Variants in SNX29 observed in about 807,000 individuals in gnomAD.
SNX29 encodes sorting nexin-29.
A neutral mutation model predicts 102.1 loss-of-function variants in SNX29; 78 were observed. That is an observed-to-expected ratio of 0.76 (90% CI 0.64 to 0.92). SNX29 has a LOEUF of 0.92. SNX29 is among the 40% of genes least tolerant of loss of function. The pLI, the probability that SNX29 is intolerant of heterozygous loss-of-function variation, is 0.00. For synonymous variants in SNX29, 580 were observed against 414.5 expected (o/e 1.40, Z -4.85); for missense variants, 1,280 against 1,061.7 (o/e 1.21, Z -2.86).
chr16:12,298,588 A>G (rs535059771), intron 15 of SNX29, among the ~76,000 whole-genome samples: 2 of 152,174 alleles, frequency 1.3e-5, no homozygotes, highest in African/African-American at 2.4e-5. Context: ...ATTTAGAAGA[A>G]TGTCTGGCCC....
At chr16:12,413,968 T>C (rs1393240454) in intron 18 of SNX29, among the ~76,000 whole-genome samples, 1 of 152,212 alleles carries the variant, frequency 6.6e-6, no homozygotes, top group East Asian at 1.9e-4. Context: ...TAAAATGCCA[T>C]AGTATTTGCA....
intron 15 of SNX29, among the ~76,000 whole-genome samples, chr16:12,305,218 T>C (rs7192378): frequency 0.12 from 18,465 of 152,238 alleles, 2,071 homozygotes; most frequent in African/African-American, 0.3. Flanking sequence ...TTCATACATG[T>C]TTTCATAGCT....
At chr16:12,375,641 G>T (rs981331582) in intron 16 of SNX29, 1 of 152,248 alleles carries the variant, frequency 6.6e-6, no homozygotes, top group Non-Finnish European at 1.5e-5. Context: ...GCCACCCTCG[G>T]TTTCTTGCCT....
intron 19 of SNX29, among the ~76,000 whole-genome samples, chr16:12,507,602 T>G (rs2089435225): frequency 6.6e-6 from 1 of 152,194 alleles, no homozygotes; most frequent in Non-Finnish European, 1.5e-5. Context: ...AAACTTTTTC[T>G]GCAAAGGGCC....
intron 18 of SNX29, among the ~76,000 whole-genome samples, chr16:12,432,599 A>G (rs1301104198): frequency 6.6e-6 from 1 of 152,208 alleles, no homozygotes; most frequent in African/African-American, 2.4e-5. Flanking sequence ...AAGAGCAGCA[A>G]CGCCACACAC....
At chr16:12,436,740 G>A (rs1310655494) in intron 18 of SNX29, among the ~76,000 whole-genome samples, 6 of 152,170 alleles carry the variant, frequency 3.9e-5, no homozygotes, top group African/African-American at 1.2e-4. Flanking sequence ...TGCAACCTCC[G>A]CCTCCCGGGT....
intron 20 of SNX29, among the ~76,000 whole-genome samples, chr16:12,549,928 C>G (rs568089116): frequency 6.6e-6 from 1 of 152,322 alleles, no homozygotes; most frequent in African/African-American, 2.4e-5. Context: ...ATCTTACCCT[C>G]CACCTGTTTT....
intron 20 of SNX29, among the ~76,000 whole-genome samples, chr16:12,541,964 T>C (rs754638172): frequency 6.6e-6 from 1 of 152,194 alleles, no homozygotes; most frequent in Non-Finnish European, 1.5e-5. Flanking sequence ...CTGGATCCAC[T>C]TCAGAGACTT....
chr16:12,393,736 G>T (rs1411633131), intron 16 of SNX29, among the ~76,000 whole-genome samples: 3 of 152,264 alleles, frequency 2.0e-5, no homozygotes, highest in Admixed American at 2.0e-4. Flanking sequence ...GAAGGGAGCA[G>T]TAGCTTACAA....
intron 15 of SNX29, among the ~76,000 whole-genome samples, chr16:12,282,224 C>T (rs753881338): frequency 1.3e-5 from 2 of 151,878 alleles, no homozygotes; most frequent in Admixed American, 6.6e-5. Context: ...ACGGAAGAGA[C>T]GATCACTACC....
At chr16:12,354,474 C>A (rs142653569) in intron 15 of SNX29, among the ~76,000 whole-genome samples, 113 of 152,246 alleles carry the variant, frequency 7.4e-4, no homozygotes, top group African/African-American at 2.6e-3. Context: ...GTGTTTCCTG[C>A]ATTTATGGAA....
At chr16:12,069,964 G>A (rs2051221047) in intron 10 of SNX29, among the ~76,000 whole-genome samples, 1 of 145,888 alleles carries the variant, frequency 6.9e-6, no homozygotes, top group Non-Finnish European at 1.5e-5. Flanking sequence ...AGGCCACCGT[G>A]CCCGGCCTGT....
intron 15 of SNX29, 117 bp from the exon 16 acceptor site, chr16:12,356,046 C>G: frequency 2.3e-6 from 2 of 867,644 alleles, no homozygotes; most frequent in Non-Finnish European, 3.6e-6. Flanking sequence ...GACTCCAGCC[C>G]CAACAGCCTA....
chr16:12,461,402 C>T (rs1407559856), intron 18 of SNX29, among the ~76,000 whole-genome samples: 2 of 152,208 alleles, frequency 1.3e-5, no homozygotes, highest in Admixed American at 6.5e-5. Flanking sequence ...GCACGTTTGG[C>T]TTCCTGCCTG....
At chr16:12,557,956 CT>C (rs2078474830) in intron 20 of SNX29, among the ~76,000 whole-genome samples, 1 of 152,052 alleles carries the variant, frequency 6.6e-6, no homozygotes, top group Non-Finnish European at 1.5e-5. Flanking sequence ...CTTGCCCTGT[CT>C]TCCTGTGGGT....
chr16:12,369,140 C>G (rs1201368990), intron 16 of SNX29, among the ~76,000 whole-genome samples: 1 of 145,992 alleles, frequency 6.8e-6, no homozygotes. Flanking sequence ...ATGTTCATAT[C>G]TTTTTTTTTT....
intron 19 of SNX29, among the ~76,000 whole-genome samples, chr16:12,480,774 T>G (rs1330841956): frequency 6.6e-6 from 1 of 152,208 alleles, no homozygotes; most frequent in Admixed American, 6.5e-5. Flanking sequence ...GGCTGAGCTC[T>G]GAGGAGTGGG....
chr16:12,568,627 T>C lies in SNX29; in HGVS notation c.2440T>C (p.Ter814ArgextTer36), dbSNP rs1327417662. 6 of 1,602,836 alleles carry C rather than the reference T, an allele frequency of 3.7e-6. No homozygotes were observed. Among genetic ancestry groups the C allele is most frequent in the Non-Finnish European group, 5.1e-6 (6 of 1,179,760 alleles). ...RNVEPQSGDL* is the reference protein window; with the variant it reads ...RNVEPQSGDLR ...CGTGGAGCCCCAGAGCGGTGACCTC[T>C]GACCTCGACAAAACCGCAGCCACGG... The change falls in exon 21 of 21, where the codon TGA (stop) becomes CGA (arginine). Residue 814 changes from the stop codon to arginine, a stop_lost. Coordinates refer to ENST00000566228, the MANE Select transcript of SNX29 (RefSeq NM_032167.5).
At chr16:12,193,231 T>G (rs2076688303) in intron 13 of SNX29, among the ~76,000 whole-genome samples, 1 of 152,146 alleles carries the variant, frequency 6.6e-6, no homozygotes, top group South Asian at 2.1e-4. Flanking sequence ...TTACTTACAT[T>G]CCACTACAGG....
Sources: gnomAD v4.1 joint callset for allele counts (sites outside exome capture counted in the v4.1 genomes callset) on GRCh38, gnomAD v4.1.1 for gene constraint, MANE v1.5 for transcripts, NCBI Gene and HGNC (gene_info 2026-07-23, HGNC 2026-07-21) for gene names.